Variants in FAM180A observed in about 807,000 individuals in gnomAD.
FAM180A encodes family with sequence similarity 180 member A.
FAM180A carries 14 observed loss-of-function variants against 15.3 expected under a neutral mutation model. The observed-to-expected ratio is 0.92, with a 90% CI of 0.61 to 1.43. The LOEUF (loss-of-function observed/expected upper bound fraction) is 1.43. FAM180A is among the 40% of genes most tolerant of loss of function. The pLI is 0.00. For missense variants in FAM180A, 200 were observed against 220.8 expected (o/e 0.91, Z 0.60); for synonymous variants, 90 against 96.8 (o/e 0.93, Z 0.41).
chr7:135,734,796 G>C (rs532622987), intron 2 of FAM180A, among the ~76,000 whole-genome samples: 2 of 152,352 alleles, frequency 1.3e-5, no homozygotes, highest in South Asian at 4.1e-4. Flanking sequence ...GGTGAGACTG[G>C]ATTGGGCTGT....
chr7:135,741,141 G>A (rs1476336680), intron 1 of FAM180A, among the ~76,000 whole-genome samples: 1 of 152,164 alleles, frequency 6.6e-6, no homozygotes, highest in East Asian at 1.9e-4. Flanking sequence ...ACAGCAACAT[G>A]TCTTTAACAT....
rs147302338 is a variant in FAM180A at position 135,730,117 on chromosome 7, C to G, written c.*494G>C. The G allele has an allele frequency of 5.1e-4, 506 of 985,378 alleles. No homozygotes were observed. The highest frequency in any genetic ancestry group is 5.8e-4 in the Non-Finnish European group (478 of 829,928). 61.0% of individuals were successfully genotyped at this position (985,378 alleles called of 1,614,324 possible). On this transcript the variant is annotated 3_prime_UTR_variant, in exon 4 of 4. Transcript: ENST00000338588. The stretch of plus-strand genomic sequence containing the variant: ...TTAGACCATTGGACCTGCAGAAATA[C>G]TTTGATTTGTTAGATTCAAGGTGAG...
intron 1 of FAM180A, 141 bp from the exon 2 acceptor site, chr7:135,737,340 C>A (rs1796886480): frequency 1.6e-6 from 1 of 629,734 alleles, no homozygotes; most frequent in South Asian, 2.1e-5. Context: ...TAATTCCAGC[C>A]CTTTGGGAGG....
chr7:135,736,329 G>A (rs1796872561), intron 2 of FAM180A, among the ~76,000 whole-genome samples: 1 of 152,138 alleles, frequency 6.6e-6, no homozygotes, highest in African/African-American at 2.4e-5. Context: ...CCCCCAACCA[G>A]CTGTCTCTTT....
intron 1 of FAM180A, among the ~76,000 whole-genome samples, chr7:135,737,485 G>C (rs1469889275): frequency 6.6e-6 from 1 of 151,662 alleles, no homozygotes; most frequent in African/African-American, 2.4e-5. Context: ...TACATGGAAG[G>C]CTGAGGCAGG....
At chr7:135,737,281 G>A (rs1171241798) in intron 1 of FAM180A, 82 bp from the exon 2 acceptor site, 6 of 1,162,968 alleles carry the variant, frequency 5.2e-6, no homozygotes, top group Non-Finnish European at 6.0e-6. Flanking sequence ...AGGTAGTCAA[G>A]GAGTCTTAAA....
intron 3 of FAM180A, among the ~76,000 whole-genome samples, chr7:135,730,546 A>G (rs1796766694): frequency 6.6e-6 from 1 of 152,146 alleles, no homozygotes. Context: ...CAAAAACAAA[A>G]CAAAAAAACC....
rs1035040744 is a variant in FAM180A at position 135,730,243 on chromosome 7, A to G, written c.*368T>C. On this transcript the variant is annotated 3_prime_UTR_variant, in exon 4 of 4. Transcript: ENST00000338588. ...GATGCCAACGATGGAGGAAACTTAG[A>G]AAGTTTTTAGATCCTGGGCCAGGCA... 4.1e-6 allele frequency: 4 copies of G among 985,416 alleles called. No homozygotes were observed. Among genetic ancestry groups the G allele is most frequent in the Non-Finnish European group, 4.8e-6 (4 of 829,936 alleles). The allele number at this position is 985,416 out of a possible 1,614,324, so 61.0% of individuals were successfully genotyped here. A position where few individuals can be genotyped will look rare whatever the true frequency, so the allele number is the denominator to read the frequency against.
rs1169199496 is a variant in FAM180A at position 135,733,834 on chromosome 7, T to C, written c.*141A>G. On this transcript the variant is annotated 3_prime_UTR_variant, in exon 3 of 4. Coordinates refer to ENST00000338588, the MANE Select transcript of FAM180A (RefSeq NM_205855.4). Reference sequence around the variant, plus strand: ...AGGAAACTACAAGGAGAAAAGAGCATCGGGGTTACTGTTTGATCTCTGCTG... The same window carrying C: ...AGGAAACTACAAGGAGAAAAGAGCACCGGGGTTACTGTTTGATCTCTGCTG... 7.1e-7 allele frequency: 1 copy of C among 1,402,062 alleles called. No individual in the cohort carries two copies. Among genetic ancestry groups the C allele is most frequent in the Non-Finnish European group, 9.2e-7 (1 of 1,081,898 alleles). 86.9% of individuals were successfully genotyped at this position (1,402,062 alleles called of 1,614,324 possible). A position where few individuals can be genotyped will look rare whatever the true frequency, so the allele number is the denominator to read the frequency against.
intron 1 of FAM180A, among the ~76,000 whole-genome samples, chr7:135,742,647 C>G (rs147568067): frequency 6.6e-6 from 1 of 152,320 alleles, no homozygotes; most frequent in Admixed American, 6.5e-5. Context: ...AGTCCAGGAG[C>G]TGGATCCAGA....
intron 3 of FAM180A, among the ~76,000 whole-genome samples, chr7:135,731,945 G>C (rs1403070586): frequency 6.6e-6 from 1 of 152,210 alleles, no homozygotes; most frequent in Non-Finnish European, 1.5e-5. Context: ...GATCAGACTT[G>C]TTGCAGCTTT....
chr7:135,736,056 T>C (rs1230274237), intron 2 of FAM180A, among the ~76,000 whole-genome samples: 4 of 150,504 alleles, frequency 2.7e-5, no homozygotes, highest in African/African-American at 7.3e-5. Context: ...GGAGTCTTGC[T>C]CTATTGTCCA....
At chr7:135,738,011 A>G (rs1796896196) in intron 1 of FAM180A, among the ~76,000 whole-genome samples, 1 of 152,224 alleles carries the variant, frequency 6.6e-6, no homozygotes, top group African/African-American at 2.4e-5. Flanking sequence ...ATGTTGATTC[A>G]CTGCCTGTTT....
chr7:135,734,748 T>C (rs1188659324), intron 2 of FAM180A, among the ~76,000 whole-genome samples: 2 of 152,188 alleles, frequency 1.3e-5, no homozygotes, highest in Non-Finnish European at 2.9e-5. Flanking sequence ...GCTGGGAGAC[T>C]CTTTCTGCAT....
rs760442192 is a variant in FAM180A at position 135,739,177 on chromosome 7, G to A, written c.77-1978C>T. Among the ~76,000 whole-genome samples the A allele has an allele frequency of 2.6e-5, 4 of 152,070 alleles. No individual in the cohort carries two copies. In the South Asian group the frequency reaches 8.3e-4, roughly 32 times the overall value. On this transcript the variant is annotated intron_variant, in intron 1 of 3. Coordinates refer to ENST00000338588, the MANE Select transcript of FAM180A (RefSeq NM_205855.4). ...ATACAAAAGTTAGCTGGGCATGATG[G>A]TGCGTGCCTGTAATCCCAGCTACTT...
chr7:135,730,813 A>G (rs1796769541), intron 3 of FAM180A, among the ~76,000 whole-genome samples: 1 of 152,150 alleles, frequency 6.6e-6, no homozygotes, highest in South Asian at 2.1e-4. Flanking sequence ...TGATCATAAT[A>G]TTTGATTCTG....
At chr7:135,731,468 CATCAAAA>C (rs1419697678) in intron 3 of FAM180A, among the ~76,000 whole-genome samples, 1 of 151,602 alleles carries the variant, frequency 6.6e-6, no homozygotes, top group African/African-American at 2.4e-5. Context: ...CTTGGAGATG[CATCAAAA>C]AACAGATACA....
At chr7:135,745,972 C>G (rs1797027211) in intron 1 of FAM180A, among the ~76,000 whole-genome samples, 1 of 151,528 alleles carries the variant, frequency 6.6e-6, no homozygotes, top group Non-Finnish European at 1.5e-5. Flanking sequence ...AAAAAGATGG[C>G]AAGAATTGTG....
rs576858069 is a variant in FAM180A at position 135,729,918 on chromosome 7, C to T, written c.*693G>A. The T allele has an allele frequency of 3.2e-5, 24 of 744,516 alleles. No homozygotes were observed. Among genetic ancestry groups the T allele is most frequent in the East Asian group, 1.3e-4 (1 of 7,680 alleles). 46.1% of individuals were successfully genotyped at this position (744,516 alleles called of 1,614,324 possible). A position where few individuals can be genotyped will look rare whatever the true frequency, so the allele number is the denominator to read the frequency against. Reference sequence around the variant, plus strand: ...TCAGAATTACAAGATGAGAAAGTTCCGGGGGTCTGTTTCACAACATGCATG... The same window carrying T: ...TCAGAATTACAAGATGAGAAAGTTCTGGGGGTCTGTTTCACAACATGCATG... On this transcript the variant is annotated 3_prime_UTR_variant, in exon 4 of 4. Coordinates refer to ENST00000338588, the MANE Select transcript of FAM180A (RefSeq NM_205855.4).
Sources: allele counts gnomAD v4.1 joint callset (sites outside exome capture counted in the v4.1 genomes callset), GRCh38; gene constraint gnomAD v4.1.1; transcripts MANE v1.5; gene names NCBI Gene and HGNC (gene_info 2026-07-23, HGNC 2026-07-21).